EYS: variants seen among roughly 807,000 people sequenced by gnomAD.
EYS encodes EGF-like photoreceptor maintenance factor, also known as protein eyes shut homolog.
EYS carries 250 observed loss-of-function variants against 282.1 expected under a neutral mutation model. That is an observed-to-expected ratio of 0.89 (90% confidence interval 0.80 to 0.98). EYS has a LOEUF of 0.98. EYS is among the 50% of genes least tolerant of loss of function. The probability of loss-of-function intolerance (pLI) is 0.00; values close to 1 mark genes in which losing one functional copy is unlikely to be tolerated. For missense variants in EYS, 4,016 were observed against 3,709.0 expected (o/e 1.08, Z -2.15); for synonymous variants, 1,355 against 1,282.9 (o/e 1.06, Z -1.20).
intron 31 of EYS, among the ~76,000 whole-genome samples, chr6:64,217,464 G>A (rs1214000923): frequency 6.6e-6 from 1 of 152,126 alleles, no homozygotes; most frequent in East Asian, 1.9e-4. Context: ...AGGAGACAGA[G>A]TTTGCAGTGA....
chr6:65,123,936 T>G (rs1477512522), intron 12 of EYS, among the ~76,000 whole-genome samples: 1 of 152,058 alleles, frequency 6.6e-6, no homozygotes, highest in Non-Finnish European at 1.5e-5. Flanking sequence ...TCCCAGCACT[T>G]TGGGAGGCCA....
intron 29 of EYS, among the ~76,000 whole-genome samples, chr6:64,327,467 C>T (rs994245439): frequency 1.3e-5 from 2 of 152,080 alleles, no homozygotes; most frequent in Non-Finnish European, 2.9e-5. Flanking sequence ...ATAGACCGGC[C>T]ATCTTTTAAT....
intron 12 of EYS, among the ~76,000 whole-genome samples, chr6:65,286,656 T>C (rs1010761539): frequency 4.0e-5 from 6 of 151,474 alleles, no homozygotes; most frequent in African/African-American, 1.5e-4. Flanking sequence ...TCTTTGAGAG[T>C]ACTAAAAATG....
intron 41 of EYS, among the ~76,000 whole-genome samples, chr6:63,728,758 T>A (rs913663689): frequency 6.6e-6 from 1 of 152,200 alleles, no homozygotes; most frequent in Non-Finnish European, 1.5e-5. Context: ...GATCTTTTTT[T>A]ACTGACTTCA....
rs556296538 is a variant in EYS at position 65,587,009 on chromosome 6, T to A, written c.-333+52769A>T. On this transcript the variant is annotated intron_variant, in intron 2 of 42. Transcript: ENST00000503581. ...ATTTCCAAAGCTTAGAAGACAAAGATTATTAAAATCTGAGTGTTCAAATAT... is the reference window on the plus strand; with the variant it reads ...ATTTCCAAAGCTTAGAAGACAAAGAATATTAAAATCTGAGTGTTCAAATAT... Among the ~76,000 whole-genome samples the A allele has an allele frequency of 5.3e-5, 8 of 152,176 alleles. No homozygotes were observed. In the South Asian group the frequency reaches 1.5e-3, roughly 28 times the overall value.
intron 26 of EYS, among the ~76,000 whole-genome samples, chr6:64,550,022 T>C (rs1481617966): frequency 6.6e-6 from 1 of 152,158 alleles, no homozygotes; most frequent in Non-Finnish European, 1.5e-5. Flanking sequence ...TTGCTGAGAA[T>C]GATGGTTTCC....
intron 35 of EYS, among the ~76,000 whole-genome samples, chr6:63,865,866 G>C (rs1386216036): frequency 1.3e-5 from 2 of 152,146 alleles, no homozygotes; most frequent in African/African-American, 4.8e-5. Context: ...CACTATGAAA[G>C]TTTATGTATC....
chr6:65,099,800 GA>G lies in EYS; in HGVS notation c.2024-42074del, dbSNP rs1220141014. Among the ~76,000 whole-genome samples, 4 of 150,648 alleles carry G rather than the reference GA, an allele frequency of 2.7e-5. No individual in the cohort carries two copies. In the East Asian group the frequency reaches 7.7e-4, roughly 29 times the overall value. On this transcript the variant is annotated intron_variant, in intron 12 of 42. Transcript: ENST00000503581. Reference sequence around the variant, plus strand: ...AATATTGTACACCAACATATCTCCGGACTGCTGCAAATCAGAGGGTTTGGTA... The same window carrying G: ...AATATTGTACACCAACATATCTCCGGCTGCTGCAAATCAGAGGGTTTGGTA...
At chr6:64,020,233 C>T (rs1371996976) in intron 33 of EYS, among the ~76,000 whole-genome samples, 1 of 152,054 alleles carries the variant, frequency 6.6e-6, no homozygotes, top group African/African-American at 2.4e-5. Context: ...GCAGCCAACA[C>T]ACAGAAATGA....
chr6:65,693,397 T>C (rs1769315226), intron 1 of EYS, among the ~76,000 whole-genome samples: 1 of 118,446 alleles, frequency 8.4e-6, no homozygotes, highest in African/African-American at 3.1e-5. Flanking sequence ...ATCTTCTTTT[T>C]TCCTTTCTTT....
At chr6:64,887,712 G>A (rs948697779) in intron 18 of EYS, among the ~76,000 whole-genome samples, 2 of 151,844 alleles carry the variant, frequency 1.3e-5, no homozygotes, top group Non-Finnish European at 2.9e-5. Context: ...TTAATTGAGC[G>A]CCAGACATTA....
intron 26 of EYS, among the ~76,000 whole-genome samples, chr6:64,529,336 C>T (rs1300609345): frequency 6.6e-6 from 1 of 151,986 alleles, no homozygotes; most frequent in African/African-American, 2.4e-5. Context: ...TTATGATATA[C>T]CAATTCATAC....
At chr6:65,186,544 A>G (rs1765521331) in intron 12 of EYS, among the ~76,000 whole-genome samples, 1 of 151,804 alleles carries the variant, frequency 6.6e-6, no homozygotes, top group Non-Finnish European at 1.5e-5. Flanking sequence ...CACATGAGTG[A>G]GAAATACAGA....
intron 22 of EYS, among the ~76,000 whole-genome samples, chr6:64,673,347 T>G (rs1382571248): frequency 6.6e-6 from 1 of 152,106 alleles, no homozygotes; most frequent in Non-Finnish European, 1.5e-5. Context: ...CAGCACAGTA[T>G]AATTGAGTTA....
chr6:65,152,867 T>C (rs1304039952), intron 12 of EYS, among the ~76,000 whole-genome samples: 1 of 151,558 alleles, frequency 6.6e-6, no homozygotes, highest in African/African-American at 2.4e-5. Flanking sequence ...TTAGATTTTA[T>C]GTAACATACA....
chr6:65,072,919 C>G (rs1488280280), intron 12 of EYS, among the ~76,000 whole-genome samples: 1 of 151,198 alleles, frequency 6.6e-6, no homozygotes, highest in Admixed American at 6.6e-5. Flanking sequence ...AATTAAAAGA[C>G]TCCCTGGAAA....
intron 12 of EYS, among the ~76,000 whole-genome samples, chr6:65,112,355 A>G (rs1201666650): frequency 2.0e-5 from 3 of 152,158 alleles, no homozygotes; most frequent in Non-Finnish European, 4.4e-5. Context: ...TCATGGCTAA[A>G]AAAAGAAAGT....
At position 65,571,157 on chromosome 6, in the gene EYS, AAAAC is replaced by A. The variant is rs1313887335; in HGVS notation, c.-333+68617_-333+68620del. Among the ~76,000 whole-genome samples the A allele has an allele frequency of 2.0e-5, 3 of 152,260 alleles. No individual in the cohort carries two copies. The East Asian group carries it at 5.8e-4, about 29-fold the overall frequency. Reference sequence around the variant, plus strand: ...TAAAAAAAGACAGATTAACAAGAGAAAAACAAACATGTATATCTCATACATACAT... The same window carrying A: ...TAAAAAAAGACAGATTAACAAGAGAAAAACATGTATATCTCATACATACAT... On this transcript the variant is annotated intron_variant, in intron 2 of 42. Coordinates refer to ENST00000503581, the MANE Select transcript of EYS (RefSeq NM_001142800.2).
At chr6:64,582,584 CTTTTT>C (rs34078680) in intron 26 of EYS, among the ~76,000 whole-genome samples, 1 of 139,630 alleles carries the variant, frequency 7.2e-6, no homozygotes. Context: ...AATCCTTGGT[CTTTTT>C]TTTTTTTTTT....
Sources: gnomAD v4.1 joint callset for allele counts (sites outside exome capture counted in the v4.1 genomes callset) on GRCh38, gnomAD v4.1.1 for gene constraint, MANE v1.5 for transcripts, NCBI Gene and HGNC (gene_info 2026-07-23, HGNC 2026-07-21) for gene names.